The following DIPK2B variants were observed in gnomAD, a reference collection of about 807,000 sequenced individuals.
DIPK2B encodes divergent protein kinase domain 2B.
Under a neutral mutation model 22.2 loss-of-function variants are expected in DIPK2B, and 15 were observed. That is an observed-to-expected ratio of 0.68 (90% confidence interval 0.45 to 1.04). The LOEUF (loss-of-function observed/expected upper bound fraction) is 1.04. Ranked by LOEUF, DIPK2B falls within the 50% of genes least tolerant of loss-of-function variation. The pLI is 0.00. For missense variants in DIPK2B, 345 were observed against 348.3 expected (o/e 0.99, Z 0.08); for synonymous variants, 163 against 153.2 (o/e 1.06, Z -0.47).
chrX:45,197,191 C>CTT (rs36016068), intron 1 of DIPK2B, among the ~76,000 whole-genome samples: 41 of 99,992 alleles, frequency 4.1e-4, no homozygotes, highest in Non-Finnish European at 6.5e-4. Flanking sequence ...TAGTAATCAC[C>CTT]TTTTTTTTTT....
At chrX:45,192,127 C>A in intron 1 of DIPK2B, 112 bp from the exon 2 acceptor site, 2 of 786,651 alleles carry the variant, frequency 2.5e-6, no homozygotes, top group Non-Finnish European at 3.5e-6. Flanking sequence ...CCTACTTAGA[C>A]TGAGGTGTTC....
In DIPK2B at chrX:45,151,971, G is replaced by T; in HGVS notation, c.983C>A (p.Ala328Glu). 8.5e-7 allele frequency: 1 copy of T among 1,176,305 alleles called. No homozygotes were observed. Among genetic ancestry groups the T allele is most frequent in the Non-Finnish European group, 1.1e-6 (1 of 876,765 alleles). The change falls in exon 5 of 5, where the codon GCA becomes GAA. Residue 328 changes from alanine (A) to glutamate (E), a missense_variant. Physicochemically the swap from Ala to Glu is moderately radical, Grantham distance 107. Coordinates refer to ENST00000398000, the MANE Select transcript of DIPK2B (RefSeq NM_176819.4). ...GCTAAAAATGTCTTTATTCTCTCCT[G>T]CCCTGTTGGCTTCTTGGCTGCCTAG... The part of the protein sequence containing the change: ...KQEGSQEANR[A>E]GENKDIFSCL...
At chrX:45,173,515 T>C (rs1603106122) in intron 2 of DIPK2B, among the ~76,000 whole-genome samples, 2 of 75,435 alleles carry the variant, frequency 2.7e-5, no homozygotes, top group East Asian at 1.5e-3. Flanking sequence ...TTCTTTCTTT[T>C]TCTTTCTTTC....
intron 2 of DIPK2B, chrX:45,163,569 C>A: frequency 1.3e-6 from 1 of 754,229 alleles, no homozygotes; most frequent in Non-Finnish European, 1.6e-6. Context: ...AAAAACATCA[C>A]CAGCAATCAG....
At chrX:45,182,602 A>C (rs781751762) in intron 2 of DIPK2B, among the ~76,000 whole-genome samples, 20 of 113,173 alleles carry the variant, frequency 1.8e-4, no homozygotes, top group Non-Finnish European at 3.6e-4. Context: ...TTTAATTCAC[A>C]ATAGTGCAAA....
intron 2 of DIPK2B, among the ~76,000 whole-genome samples, chrX:45,178,567 T>A (rs1262792248): frequency 8.9e-6 from 1 of 111,882 alleles, no homozygotes; most frequent in Non-Finnish European, 1.9e-5. Flanking sequence ...ACTATCTTTT[T>A]CCCTGAGAGC....
chrX:45,151,536 G>A lies in DIPK2B; in HGVS notation c.*116C>T. The A allele has an allele frequency of 4.2e-6, 3 of 720,148 alleles. No homozygotes were observed. Among genetic ancestry groups the A allele is most frequent in the Non-Finnish European group, 6.1e-6 (3 of 488,500 alleles). The allele number at this position is 720,148 out of a possible 1,213,427, so 59.3% of individuals were successfully genotyped here. A position where few individuals can be genotyped will look rare whatever the true frequency, so the allele number is the denominator to read the frequency against. On this transcript the variant is annotated 3_prime_UTR_variant, in exon 5 of 5. Coordinates refer to ENST00000398000, the MANE Select transcript of DIPK2B (RefSeq NM_176819.4). The stretch of plus-strand genomic sequence containing the variant: ...TCCCCTCTCAGTCCCTAAGAAATGA[G>A]TGTGCCTTTCTTCTCATCTTTAAAA...
chrX:45,160,262 T>C (rs2047015898), intron 2 of DIPK2B, among the ~76,000 whole-genome samples: 1 of 110,014 alleles, frequency 9.1e-6, no homozygotes, highest in Non-Finnish European at 1.9e-5. Context: ...GGCTGGAATG[T>C]AATGGTGCAA....
In DIPK2B at chrX:45,200,554, A is replaced by C. The variant is rs776920702; in HGVS notation, c.233+40T>G. 1.8e-6 allele frequency: 2 copies of C among 1,137,199 alleles called. 1 individual carries two copies. The allele number at this position is 1,137,199 out of a possible 1,213,427, so 93.7% of individuals were successfully genotyped here. A position where few individuals can be genotyped will look rare whatever the true frequency, so the allele number is the denominator to read the frequency against. On this transcript the variant is annotated intron_variant, in intron 1 of 4. Coordinates refer to ENST00000398000, the MANE Select transcript of DIPK2B (RefSeq NM_176819.4). Reference sequence around the variant, plus strand: ...CTGGACATCTTCACAAGAAGGGAACAGAATTTTGTGATTCAGAGTTATTTG... The same window carrying C: ...CTGGACATCTTCACAAGAAGGGAACCGAATTTTGTGATTCAGAGTTATTTG...
chrX:45,196,023 A>T (rs1231466502), intron 1 of DIPK2B, among the ~76,000 whole-genome samples: 1 of 112,307 alleles, frequency 8.9e-6, no homozygotes, highest in Non-Finnish European at 1.9e-5. Context: ...CCTATACTCT[A>T]TTTTAACCAC....
chrX:45,153,519 T>A (rs1018783605), intron 4 of DIPK2B, among the ~76,000 whole-genome samples: 3 of 100,763 alleles, frequency 3.0e-5, no homozygotes, highest in African/African-American at 8.0e-5. Context: ...TGTGTGTGTG[T>A]GTGACAGAGA....
chrX:45,151,612 C>T lies in DIPK2B; in HGVS notation c.*40G>A. 8.7e-7 allele frequency: 1 copy of T among 1,152,218 alleles called. No homozygotes were observed. The highest frequency in any genetic ancestry group is 3.0e-5 in the East Asian group (1 of 33,476). 95.0% of individuals were successfully genotyped at this position (1,152,218 alleles called of 1,213,427 possible). A position where few individuals can be genotyped will look rare whatever the true frequency, so the allele number is the denominator to read the frequency against. On this transcript the variant is annotated 3_prime_UTR_variant, in exon 5 of 5. Coordinates refer to ENST00000398000, the MANE Select transcript of DIPK2B (RefSeq NM_176819.4). ...GCAACCCGACTGGGAGAATGGAGAGCCAAGCGTGTTGTCCCCAAGGCCAGC... is the reference window on the plus strand; with the variant it reads ...GCAACCCGACTGGGAGAATGGAGAGTCAAGCGTGTTGTCCCCAAGGCCAGC...
At chrX:45,181,705 AT>A (rs1270454217) in intron 2 of DIPK2B, among the ~76,000 whole-genome samples, 3 of 112,237 alleles carry the variant, frequency 2.7e-5, no homozygotes, top group Non-Finnish European at 1.9e-5. Context: ...ATAATTTGGG[AT>A]GTATTATAGA....
intron 2 of DIPK2B, among the ~76,000 whole-genome samples, chrX:45,181,018 C>T (rs2047148080): frequency 8.9e-6 from 1 of 111,763 alleles, no homozygotes; most frequent in African/African-American, 3.3e-5. Context: ...GATAGAGGGA[C>T]TACTATATTT....
chrX:45,178,270 C>T (rs977291808), intron 2 of DIPK2B, among the ~76,000 whole-genome samples: 7 of 111,745 alleles, frequency 6.3e-5, no homozygotes, highest in Admixed American at 1.9e-4. Flanking sequence ...AGAATAAAGC[C>T]GGATTCTCAA....
chrX:45,162,637 A>T, intron 2 of DIPK2B: 1 of 754,438 alleles, frequency 1.3e-6, no homozygotes, highest in Non-Finnish European at 1.6e-6. Flanking sequence ...GGGGATTACC[A>T]ATTGCTTTGG....
intron 2 of DIPK2B, among the ~76,000 whole-genome samples, chrX:45,159,938 T>C (rs998948242): frequency 2.7e-5 from 3 of 111,708 alleles, no homozygotes; most frequent in African/African-American, 9.8e-5. Context: ...GACCCTGATA[T>C]GGTTTGGATC....
chrX:45,174,199 C>T, intron 2 of DIPK2B, among the ~76,000 whole-genome samples: 1 of 111,693 alleles, frequency 9.0e-6, no homozygotes, highest in Non-Finnish European at 1.9e-5. Flanking sequence ...GGGGACTCTT[C>T]CGTCAAACCA....
Position 45,193,524 on chromosome X carries a change from A to G in DIPK2B, c.234-1509T>C, listed in dbSNP as rs138591720. Among the ~76,000 whole-genome samples, 580 of 111,793 alleles carry G rather than the reference A, an allele frequency of 5.2e-3. 1 individual carries two copies. The highest frequency in any genetic ancestry group is 0.018 in the African/African-American group (545 of 30,699). ...AAAGAAAGTCACACAAAAAAATTACAAGGGCAAAGAGGTCAAGGGACCTGT... is the reference window on the plus strand; with the variant it reads ...AAAGAAAGTCACACAAAAAAATTACGAGGGCAAAGAGGTCAAGGGACCTGT... On this transcript the variant is annotated intron_variant, in intron 1 of 4. Coordinates refer to ENST00000398000, the MANE Select transcript of DIPK2B (RefSeq NM_176819.4).
Sources: allele counts gnomAD v4.1 joint callset (sites outside exome capture counted in the v4.1 genomes callset), GRCh38; gene constraint gnomAD v4.1.1; transcripts MANE v1.5; gene names NCBI Gene and HGNC (gene_info 2026-07-23, HGNC 2026-07-21).